Variants in COL17A1 observed in about 807,000 individuals in gnomAD.
The protein encoded by COL17A1 is collagen alpha-1(XVII) chain.
COL17A1 carries 181 observed loss-of-function variants against 218.4 expected under a neutral mutation model. The ratio of observed to expected loss-of-function variants is 0.83; its 90% CI spans 0.73 to 0.94. COL17A1 has a LOEUF of 0.94. Ranked by LOEUF, COL17A1 falls within the 40% of genes least tolerant of loss-of-function variation. The probability of loss-of-function intolerance (pLI) is 0.00; values close to 1 mark genes in which losing one functional copy is unlikely to be tolerated. For missense variants in COL17A1, 1,924 were observed against 1,945.9 expected (o/e 0.99, Z 0.21); for synonymous variants, 721 against 731.0 (o/e 0.99, Z 0.22).
rs2086653535 is a variant in COL17A1, at chr10:104,069,600, T to C, written c.607+826A>G. Among the ~76,000 whole-genome samples the C allele has an allele frequency of 3.3e-5, 5 of 152,206 alleles. No individual in the cohort carries two copies. In the South Asian group the frequency reaches 1.0e-3, roughly 32 times the overall value. On this transcript the variant is annotated intron_variant, in intron 9 of 55. Transcript: ENST00000648076. ...GACTGTCCCCTTACAAGTTATGATA[T>C]GGACTCCCATATTTAGATAGGACTA...
Position 104,064,471 on chromosome 10 carries a change from G to A in COL17A1, c.733C>T (p.Leu245Phe), listed in dbSNP as rs778785308. Residue 245 changes from leucine (L) to phenylalanine (F), a missense_variant, in exon 10 of 56, where the codon CTC becomes TTC. Leu to Phe is a conservative substitution (Grantham distance 22). Coordinates refer to ENST00000648076, the MANE Select transcript of COL17A1 (RefSeq NM_000494.4). ...GCAGAGTAGGCATTGGTGTTGAGGA[G>A]GGATGAGCTCTGGGTTGTCATGTTG... is the stretch of plus-strand genomic sequence containing the variant. ...HNNMTTQSSS[L>F]LNTNAYSAGS... The A allele has an allele frequency of 6.2e-7, 1 of 1,614,068 alleles. No homozygotes were observed. Among genetic ancestry groups the A allele is most frequent in the African/African-American group, 1.3e-5 (1 of 74,924 alleles).
rs759138583 is a variant in COL17A1 at position 104,053,935 on chromosome 10, G to A, written c.1819C>T (p.Gln607Ter). 6.3e-7 allele frequency: 1 copy of A among 1,598,430 alleles called. No homozygotes were observed. The highest frequency in any genetic ancestry group is 8.6e-7 in the Non-Finnish European group (1 of 1,165,706). The change falls in exon 22 of 56, where the codon CAA becomes TAA. Residue 607 changes from glutamine (Q) to a stop codon, truncating the protein, a stop_gained. Coordinates refer to ENST00000648076, the MANE Select transcript of COL17A1 (RefSeq NM_000494.4). LOFTEE classifies it high-confidence loss of function. ...TGTTTCTTACCCACGCTGCCTTTTT[G>A]ACCCTTTGGTCCTTGTGGACCTGGG... ...GHPGPQGPKG[Q>*]KGSVGDPGME... is the part of the protein sequence containing the mutation.
chr10:104,056,310 C>T lies in COL17A1; in HGVS notation c.1466-307G>A, dbSNP rs137953406. Reference sequence around the variant, plus strand: ...AGAAATAGATATGGCTGGCCAGGCGCGGTGGCTCAAGCCTGTAATCCCAGC... The same window carrying T: ...AGAAATAGATATGGCTGGCCAGGCGTGGTGGCTCAAGCCTGTAATCCCAGC... On this transcript the variant is annotated intron_variant, in intron 17 of 55. Coordinates refer to ENST00000648076, the MANE Select transcript of COL17A1 (RefSeq NM_000494.4). 6.4e-3 allele frequency among the ~76,000 whole-genome samples: 967 copies of T among 152,202 alleles called. 11 individuals are homozygous for T. Among genetic ancestry groups the T allele is most frequent in the African/African-American group, 0.023 (940 of 41,534 alleles).
intron 1 of COL17A1, among the ~76,000 whole-genome samples, chr10:104,084,445 G>T (rs1471419538): frequency 6.6e-6 from 1 of 151,938 alleles, no homozygotes; most frequent in Non-Finnish European, 1.5e-5. Context: ...AAGTAGCTGG[G>T]GTTACAGGCA....
intron 5 of COL17A1, 149 bp from the exon 6 acceptor site, chr10:104,074,380 C>T (rs1377691268): frequency 9.4e-6 from 11 of 1,174,362 alleles, no homozygotes; most frequent in Non-Finnish European, 1.4e-5. Flanking sequence ...GCATGCATGT[C>T]AAAGGAGCCA....
At chr10:104,072,168 T>G in intron 7 of COL17A1, 89 bp from the exon 8 acceptor site, 3 of 1,572,436 alleles carry the variant, frequency 1.9e-6, no homozygotes, top group Non-Finnish European at 2.6e-6. Flanking sequence ...AGATGGCCCT[T>G]TAGGCTGCTC....
rs533747899 is a variant in COL17A1 at position 104,085,704 on chromosome 10, A to C, written c.-12+19T>G. On this transcript the variant is annotated intron_variant, in intron 1 of 55. Transcript: ENST00000648076. ...AGTCTCAGAGAAAAGGAGAAAGGTC[A>C]GTCTTCCTGTTTACTTACCTGGTTT... 6.5e-6 allele frequency: 1 copy of C among 152,798 alleles called. No homozygotes were observed. The highest frequency in any genetic ancestry group is 2.1e-4 in the South Asian group (1 of 4,824). 9.5% of individuals were successfully genotyped at this position (152,798 alleles called of 1,614,324 possible).
At chr10:104,046,632 G>T in intron 32 of COL17A1, 115 bp downstream of exon 32, 1 of 974,098 alleles carries the variant, frequency 1.0e-6, no homozygotes, top group Non-Finnish European at 1.7e-6. Flanking sequence ...GGGAGTGTGT[G>T]CCAGGGAGTT....
Position 104,041,536 on chromosome 10 carries a change from C to T in COL17A1, c.2554G>A (p.Val852Ile), listed in dbSNP as rs1459687091. The T allele has an allele frequency of 2.5e-6, 4 of 1,612,892 alleles. No individual in the cohort carries two copies. The highest frequency in any genetic ancestry group is 3.4e-6 in the Non-Finnish European group (4 of 1,178,924). Residue 852 changes from valine (V) to isoleucine (I), a missense_variant and splice_region_variant, in exon 37 of 56, where the codon GTT becomes ATT. Physicochemically the swap from Val to Ile is conservative, Grantham distance 29. Coordinates refer to ENST00000648076, the MANE Select transcript of COL17A1 (RefSeq NM_000494.4). Reference protein sequence around the residue: ...GPAGLPGHQEVLNLQGPPGPP... With the variant: ...GPAGLPGHQEILNLQGPPGPP... ...CCTGGGGGACCTTGTAAATTAAGAA[C>T]TTCTATAGAGAGAAGAAAATAGAAA...
intron 29 of COL17A1, 164 bp from the exon 30 acceptor site, chr10:104,048,268 C>A: frequency 1.3e-6 from 1 of 786,620 alleles, no homozygotes; most frequent in Non-Finnish European, 2.3e-6. Context: ...ACGGTACTCC[C>A]ACTGCCCCTT....
In COL17A1 at chr10:104,040,570, GTGGATGGATGGA is replaced by G. The variant is rs56889497; in HGVS notation, c.2702-172_2702-161del. On this transcript the variant is annotated intron_variant, in intron 39 of 55. Transcript: ENST00000648076. The stretch of plus-strand genomic sequence containing the variant: ...GGTGGGTGGATGAATGGGCGGGTGG[GTGGATGGATGGA>G]TGGATGGATGGATGGATAGGTGGAT... 1.6e-4 allele frequency among the ~76,000 whole-genome samples: 24 copies of G among 150,128 alleles called. No homozygotes were observed. The East Asian group carries it at 4.1e-3, about 26-fold the overall frequency.
intron 19 of COL17A1, 115 bp from the exon 20 acceptor site, chr10:104,055,122 A>G: frequency 6.4e-7 from 1 of 1,556,894 alleles, no homozygotes; most frequent in South Asian, 1.2e-5. Context: ...AGGTGAGGCG[A>G]CATGCGGCGA....
intron 34 of COL17A1, 89 bp from the exon 35 acceptor site, chr10:104,043,670 G>T: frequency 6.6e-7 from 1 of 1,525,392 alleles, no homozygotes; most frequent in Non-Finnish European, 9.1e-7. Context: ...GGGCAGCCTG[G>T]CATTTCTTCT....
rs1313685685 is a variant in COL17A1, at chr10:104,043,718, G to C, written c.2434+107C>G. On this transcript the variant is annotated intron_variant, in intron 34 of 55. Coordinates refer to ENST00000648076, the MANE Select transcript of COL17A1 (RefSeq NM_000494.4). ...TAAATTTCCCTCCTCCCCCGCTACT[G>C]ATCCAAAAAACTCCCAGCCACATCC... The C allele has an allele frequency of 4.6e-6, 7 of 1,531,754 alleles. No individual in the cohort carries two copies. The African/African-American group carries it at 9.6e-5, about 21-fold the overall frequency. The allele number at this position is 1,531,754 out of a possible 1,614,324, so 94.9% of individuals were successfully genotyped here.
chr10:104,074,152 C>T, intron 6 of COL17A1, 32 bp downstream of exon 6: 1 of 1,614,054 alleles, frequency 6.2e-7, no homozygotes, highest in Non-Finnish European at 8.5e-7. Flanking sequence ...CCTCGTTTGA[C>T]CATTTCTTTA....
chr10:104,053,679 C>A (rs1003880451), intron 22 of COL17A1, among the ~76,000 whole-genome samples: 1 of 152,096 alleles, frequency 6.6e-6, no homozygotes, highest in Non-Finnish European at 1.5e-5. Flanking sequence ...TCCCTCCAGG[C>A]TCTCCTTTCC....
chr10:104,034,745 TG>T lies in COL17A1; in HGVS notation c.3641del (p.Pro1214GlnfsTer37). On this transcript the variant is annotated frameshift_variant, in exon 51 of 56. Coordinates refer to ENST00000648076, the MANE Select transcript of COL17A1 (RefSeq NM_000494.4). LOFTEE classifies it high-confidence loss of function. ...GGGGACCAGGAGGTCCTGGAGGGCC[TG>T]GGATGAATGACAAGCCGGCAGCTGG... The part of the protein sequence containing the change: ...YLHTAGLSFI[P>X]GPPGPPGPPG... 6.2e-7 allele frequency: 1 copy of T among 1,612,308 alleles called. No homozygotes were observed.
chr10:104,066,275 A>G (rs2086625497), intron 9 of COL17A1, among the ~76,000 whole-genome samples: 1 of 152,160 alleles, frequency 6.6e-6, no homozygotes, highest in African/African-American at 2.4e-5. Context: ...GGGAACTAAA[A>G]AGACACCCTC....
At position 104,063,727 on chromosome 10, in the gene COL17A1, C is replaced by T. The variant is rs2086602436; in HGVS notation, c.838+20G>A. On this transcript the variant is annotated intron_variant, in intron 11 of 55. Coordinates refer to ENST00000648076, the MANE Select transcript of COL17A1 (RefSeq NM_000494.4). ...TATGCAAATAGCCTGGAAAAGTCAT[C>T]TCAAGATGGTGACACTGACCTGAGG... 1 of 1,614,114 alleles carries T rather than the reference C, an allele frequency of 6.2e-7. No individual in the cohort carries two copies. The highest frequency in any genetic ancestry group is 2.2e-5 in the East Asian group (1 of 44,878).
Sources: allele counts gnomAD v4.1 joint callset (sites outside exome capture counted in the v4.1 genomes callset), GRCh38; gene constraint gnomAD v4.1.1; transcripts MANE v1.5; gene names NCBI Gene and HGNC (gene_info 2026-07-23, HGNC 2026-07-21).